Variants in CHCHD3 observed in about 807,000 individuals in gnomAD.
CHCHD3 encodes coiled-coil-helix-coiled-coil-helix domain containing 3.
Under a neutral mutation model 38.2 loss-of-function variants are expected in CHCHD3, and 20 were observed. The observed-to-expected ratio is 0.52, with a 90% CI of 0.37 to 0.76. CHCHD3 has a LOEUF of 0.76. Among genes scored for constraint, CHCHD3 ranks in the 30% least tolerant of loss-of-function variants. The probability of loss-of-function intolerance (pLI) is 0.00; values close to 1 mark genes in which losing one functional copy is unlikely to be tolerated. For synonymous variants in CHCHD3, 82 were observed against 100.0 expected (o/e 0.82, Z 1.07); for missense variants, 245 against 279.2 (o/e 0.88, Z 0.87).
chr7:132,919,480 G>A (rs1289182554), intron 4 of CHCHD3, among the ~76,000 whole-genome samples: 1 of 152,046 alleles, frequency 6.6e-6, no homozygotes, highest in African/African-American at 2.4e-5. Flanking sequence ...AGTAATCTAC[G>A]ACAAGTTGAT....
At chr7:132,790,811 G>T (rs1164496734) in intron 7 of CHCHD3, among the ~76,000 whole-genome samples, 1 of 152,168 alleles carries the variant, frequency 6.6e-6, no homozygotes, top group Non-Finnish European at 1.5e-5. Flanking sequence ...TAGAACCAAG[G>T]GAGGGTCTGG....
At chr7:132,909,485 C>T (rs905283368) in intron 4 of CHCHD3, among the ~76,000 whole-genome samples, 1 of 151,890 alleles carries the variant, frequency 6.6e-6, no homozygotes, top group African/African-American at 2.4e-5. Flanking sequence ...AGCGAGCCTC[C>T]ATCTCAAAAA....
rs149809681 is a variant in CHCHD3, at chr7:132,897,142, C to A, written c.370-11397G>T. Among the ~76,000 whole-genome samples, 454 of 152,276 alleles carry A rather than the reference C, an allele frequency of 3.0e-3. 1 individual carries two copies. The highest frequency in any genetic ancestry group is 0.01 in the African/African-American group (435 of 41,546). Reference sequence around the variant, plus strand: ...ACTCAAATATCTCTATCTTCTTATTCCATATTGTGGGGAATAAAACTTCCA... The same window carrying A: ...ACTCAAATATCTCTATCTTCTTATTACATATTGTGGGGAATAAAACTTCCA... On this transcript the variant is annotated intron_variant, in intron 4 of 7. Coordinates refer to ENST00000262570, the MANE Select transcript of CHCHD3 (RefSeq NM_017812.4).
At chr7:132,823,160 A>C (rs1441394682) in intron 6 of CHCHD3, among the ~76,000 whole-genome samples, 1 of 152,068 alleles carries the variant, frequency 6.6e-6, no homozygotes, top group Non-Finnish European at 1.5e-5. Context: ...TCTGGAAAAG[A>C]AAAGAGGAGT....
intron 3 of CHCHD3, among the ~76,000 whole-genome samples, chr7:132,983,835 G>C (rs1306572388): frequency 6.6e-6 from 1 of 152,190 alleles, no homozygotes; most frequent in Non-Finnish European, 1.5e-5. Flanking sequence ...CCAGCATAAG[G>C]ACTGTTGTAG....
At chr7:133,000,674 A>T (rs1305915227) in intron 3 of CHCHD3, among the ~76,000 whole-genome samples, 1 of 152,206 alleles carries the variant, frequency 6.6e-6, no homozygotes, top group African/African-American at 2.4e-5. Context: ...TAGAAGCCAC[A>T]TTAGAAAACT....
intron 4 of CHCHD3, among the ~76,000 whole-genome samples, chr7:132,926,354 G>A (rs556692248): frequency 4.6e-5 from 7 of 152,172 alleles, no homozygotes; most frequent in Non-Finnish European, 8.8e-5. Flanking sequence ...ACCAGTTTCT[G>A]AAGAAGCTGA....
chr7:133,035,574 G>A lies in CHCHD3; in HGVS notation c.170-10947C>T, dbSNP rs758349427. The A allele has an allele frequency of 3.7e-6, 6 of 1,613,328 alleles. No individual in the cohort carries two copies. In the African/African-American group the frequency reaches 5.3e-5, roughly 14 times the overall value. ...GTTGTGGTGCATGATGCCCAAGGTG[G>A]GGAACACCCAGGTACTGGCTGGGGG... On this transcript the variant is annotated intron_variant, in intron 2 of 7. Coordinates refer to ENST00000262570, the MANE Select transcript of CHCHD3 (RefSeq NM_017812.4). This position sits in a 1 kb window ranked among gnomAD's most constrained non-coding sequence, Gnocchi z 4.7.
chr7:132,872,484 G>A (rs1808789870), intron 5 of CHCHD3, among the ~76,000 whole-genome samples: 1 of 152,084 alleles, frequency 6.6e-6, no homozygotes. Flanking sequence ...CACAGTACAG[G>A]GCCAGCTTCT....
chr7:132,883,463 T>C (rs1248885791), intron 5 of CHCHD3, among the ~76,000 whole-genome samples: 1 of 152,160 alleles, frequency 6.6e-6, no homozygotes, highest in African/African-American at 2.4e-5. Flanking sequence ...ATCAGAGCCT[T>C]GTGCTCTAAA....
At chr7:133,022,074 G>A (rs573496890) in intron 3 of CHCHD3, among the ~76,000 whole-genome samples, 13 of 151,804 alleles carry the variant, frequency 8.6e-5, no homozygotes, top group African/African-American at 2.2e-4. Flanking sequence ...GTGACAGAGC[G>A]AGACTCCATC....
chr7:132,822,824 A>C (rs1278410007), intron 6 of CHCHD3, among the ~76,000 whole-genome samples: 1 of 131,048 alleles, frequency 7.6e-6, no homozygotes, highest in Non-Finnish European at 1.8e-5. Context: ...CCCACCAAAA[A>C]CAAAACAAAA....
At chr7:132,921,826 A>T (rs1810270826) in intron 4 of CHCHD3, among the ~76,000 whole-genome samples, 1 of 152,246 alleles carries the variant, frequency 6.6e-6, no homozygotes, top group Non-Finnish European at 1.5e-5. Context: ...GGTTGGTGAG[A>T]AGTCTAATTT....
intron 5 of CHCHD3, among the ~76,000 whole-genome samples, chr7:132,880,245 G>C (rs931967254): frequency 6.6e-6 from 1 of 152,062 alleles, no homozygotes; most frequent in African/African-American, 2.4e-5. Flanking sequence ...ATCATATTTT[G>C]GCTGTATGTT....
intron 3 of CHCHD3, among the ~76,000 whole-genome samples, chr7:132,995,626 C>A (rs1812393297): frequency 6.6e-6 from 1 of 152,112 alleles, no homozygotes; most frequent in Non-Finnish European, 1.5e-5. Flanking sequence ...AATGTGCAGG[C>A]CATAGTGTGA....
chr7:133,017,659 G>A (rs528739835), intron 3 of CHCHD3, among the ~76,000 whole-genome samples: 5 of 152,140 alleles, frequency 3.3e-5, no homozygotes, highest in Non-Finnish European at 7.3e-5. Flanking sequence ...CAGTAAAAAA[G>A]TTAGATGTCT....
chr7:132,840,064 T>C (rs748360887), intron 5 of CHCHD3, among the ~76,000 whole-genome samples: 1 of 152,212 alleles, frequency 6.6e-6, no homozygotes, highest in Non-Finnish European at 1.5e-5. Flanking sequence ...CAACTGTAAT[T>C]GTCTATATGC....
intron 5 of CHCHD3, among the ~76,000 whole-genome samples, chr7:132,878,444 A>C (rs1473642758): frequency 6.6e-6 from 1 of 152,204 alleles, no homozygotes; most frequent in African/African-American, 2.4e-5. Context: ...GCCATAAGTG[A>C]GAGACTTTTA....
At chr7:132,955,719 G>A (rs1018827779) in intron 4 of CHCHD3, among the ~76,000 whole-genome samples, 1 of 152,112 alleles carries the variant, frequency 6.6e-6, no homozygotes, top group African/African-American at 2.4e-5. Context: ...ATGCAATGAG[G>A]TCTTGGAGTG....
Sources: allele counts gnomAD v4.1 joint callset (sites outside exome capture counted in the v4.1 genomes callset), GRCh38; gene constraint gnomAD v4.1.1; non-coding constraint Gnocchi (gnomAD v3.1); transcripts MANE v1.5; gene names NCBI Gene and HGNC (gene_info 2026-07-23, HGNC 2026-07-21).